ATR: variants seen among roughly 807,000 people sequenced by gnomAD.
ATR encodes ATR checkpoint kinase, also known as serine/threonine-protein kinase ATR.
Under a neutral mutation model 305.3 loss-of-function variants are expected in ATR, and 142 were observed. That is an observed-to-expected ratio of 0.47 (90% CI 0.41 to 0.53). The LOEUF is 0.53. ATR is among the 20% of genes least tolerant of loss of function. The probability of loss-of-function intolerance (pLI) is 0.00; values close to 1 mark genes in which losing one functional copy is unlikely to be tolerated. For synonymous variants in ATR, 1,050 were observed against 1,068.1 expected (o/e 0.98, Z 0.33); for missense variants, 2,135 against 3,133.1 (o/e 0.68, Z 7.60).
Position 142,513,764 on chromosome 3 carries a change from AT to A in ATR, c.4504-127del, listed in dbSNP as rs532465595. On this transcript the variant is annotated intron_variant, in intron 25 of 46. Coordinates refer to ENST00000350721, the MANE Select transcript of ATR (RefSeq NM_001184.4). The stretch of plus-strand genomic sequence containing the variant: ...TTAAATTTAAAAAGTTTTTTAATTA[AT>A]TTTTTAATTAAATTATTTGGGGTTA... 2.4e-4 allele frequency: 257 copies of A among 1,058,450 alleles called. 1 individual carries two copies. The South Asian group carries it at 2.6e-3, about 11-fold the overall frequency. The allele number at this position is 1,058,450 out of a possible 1,614,324, so 65.6% of individuals were successfully genotyped here.
chr3:142,556,338 C>A (rs2034671471), intron 9 of ATR, 45 bp downstream of exon 9: 2 of 1,574,692 alleles, frequency 1.3e-6, no homozygotes, highest in Non-Finnish European at 1.7e-6. Context: ...CAATTATGAT[C>A]TTTCCAATAG....
chr3:142,506,055 T>C (rs931209639), intron 28 of ATR, among the ~76,000 whole-genome samples: 95 of 152,300 alleles, frequency 6.2e-4, no homozygotes, highest in African/African-American at 2.1e-3. Flanking sequence ...TTTGGTAACA[T>C]GTGGCCACCA....
intron 35 of ATR, among the ~76,000 whole-genome samples, chr3:142,488,494 T>C (rs1418455839): frequency 6.6e-6 from 1 of 152,210 alleles, no homozygotes; most frequent in Non-Finnish European, 1.5e-5. Context: ...TGACAACTAA[T>C]GCTATATGGA....
At chr3:142,574,702 A>G (rs2035381886) in intron 1 of ATR, among the ~76,000 whole-genome samples, 1 of 152,220 alleles carries the variant, frequency 6.6e-6, no homozygotes, top group Non-Finnish European at 1.5e-5. Flanking sequence ...TAAAGGACAA[A>G]CAAGAGGTAA....
At chr3:142,542,838 T>C in intron 16 of ATR, 81 bp from the exon 17 acceptor site, 2 of 1,165,660 alleles carry the variant, frequency 1.7e-6, no homozygotes, top group Admixed American at 2.1e-5. Context: ...TTAATTAATG[T>C]CATTTATATT....
chr3:142,553,556 A>G (rs991154817), intron 12 of ATR, 84 bp downstream of exon 12: 3 of 1,459,774 alleles, frequency 2.1e-6, no homozygotes, highest in Non-Finnish European at 2.8e-6. Context: ...CACAAATATC[A>G]TATCACCATT....
rs2108311859 is a variant in ATR at position 142,485,301 on chromosome 3, G to T, written c.6079-19C>A. The T allele has an allele frequency of 1.9e-6, 3 of 1,613,714 alleles. No individual in the cohort carries two copies. In the African/African-American group the frequency reaches 4.0e-5, roughly 22 times the overall value. On this transcript the variant is annotated intron_variant, in intron 35 of 46. Transcript: ENST00000350721. ...TCACATCCTATAAAAAAGAACATAG[G>T]ATACCTACCTAAGGAAATCCCACGC...
At chr3:142,516,984 A>AATATAT (rs534243837) in intron 24 of ATR, among the ~76,000 whole-genome samples, 1,699 of 139,086 alleles carry the variant, frequency 0.012, 16 homozygotes, top group African/African-American at 0.02. Flanking sequence ...ATACCCAAAT[A>AATATAT]ATATATATAT....
Position 142,449,467 on chromosome 3 carries a change from G to C in ATR, c.7897C>G (p.Leu2633Val). The change falls in exon 47 of 47, where the codon CTA (leucine) becomes GTA (valine). Residue 2633 changes from leucine to valine, a missense_variant. By Grantham distance (32) the Leu-to-Val change is conservative. Around this residue, in one of 9 missense-constraint regions of ATR, gnomAD observed 462 missense variants for 887.6 expected, o/e 0.52. Coordinates refer to ENST00000350721, the MANE Select transcript of ATR (RefSeq NM_001184.4). ...GTCCAACCAAGATACATCTGGCATA[G>C]TAAGTTTTCATCAGTAGCTTCCTGT... The part of the protein sequence containing the change: ...LIQEATDENL[L>V]CQMYLGWTPY... 6.2e-7 allele frequency: 1 copy of C among 1,612,632 alleles called. No homozygotes were observed. Among genetic ancestry groups the C allele is most frequent in the Non-Finnish European group, 8.5e-7 (1 of 1,178,642 alleles).
At chr3:142,512,237 A>AAAT in intron 27 of ATR, 23 bp downstream of exon 27, 1 of 1,569,504 alleles carries the variant, frequency 6.4e-7, no homozygotes, top group Non-Finnish European at 8.7e-7. Flanking sequence ...AAAAAAAAAA[A>AAAT]AGAAACAGAA....
chr3:142,510,133 A>AG (rs2032475445), intron 27 of ATR, among the ~76,000 whole-genome samples: 1 of 151,420 alleles, frequency 6.6e-6, no homozygotes, highest in South Asian at 2.1e-4. Context: ...AAAAAAAAAA[A>AG]AGCTACTGTC....
intron 1 of ATR, 97 bp from the exon 2 acceptor site, chr3:142,568,251 G>A: frequency 2.3e-6 from 2 of 871,966 alleles, no homozygotes; most frequent in South Asian, 1.5e-5. Flanking sequence ...TGTGTTCAGT[G>A]TCAATGTTGA....
intron 21 of ATR, among the ~76,000 whole-genome samples, chr3:142,533,152 G>A (rs927174105): frequency 2.6e-5 from 4 of 151,970 alleles, no homozygotes; most frequent in Non-Finnish European, 5.9e-5. Context: ...AAAATTAGGT[G>A]AGCATGGTGG....
At chr3:142,499,046 T>A in intron 31 of ATR, 1 of 469,720 alleles carries the variant, frequency 2.1e-6, no homozygotes, top group Non-Finnish European at 3.9e-6. Context: ...CCAGCTAAGT[T>A]TTTTAAAAAA....
At position 142,524,215 on chromosome 3, in the gene ATR, A is replaced by G; in HGVS notation, c.3946-16T>C. ...TCAGTTTTTCCTAAAATAAAAGTAG[A>G]AAGAAAATTTATACGTAATTTCTAC... On this transcript the variant is annotated splice_polypyrimidine_tract_variant and intron_variant, in intron 21 of 46. Coordinates refer to ENST00000350721, the MANE Select transcript of ATR (RefSeq NM_001184.4). 6.3e-7 allele frequency: 1 copy of G among 1,592,498 alleles called. No homozygotes were observed. The highest frequency in any genetic ancestry group is 8.6e-7 in the Non-Finnish European group (1 of 1,161,532).
rs1053132360 is a variant in ATR, at chr3:142,495,131, A to C, written c.5898+1230T>G. Among the ~76,000 whole-genome samples, 3 of 152,304 alleles carry C rather than the reference A, an allele frequency of 2.0e-5. 1 individual carries two copies. Among genetic ancestry groups the C allele is most frequent in the South Asian group, 4.1e-4 (2 of 4,824 alleles). ...TGTTCAGAGAAGTAGGAAACATGAG[A>C]GGAGAAACAGATATTGAGTATTAGG... On this transcript the variant is annotated intron_variant, in intron 34 of 46. Coordinates refer to ENST00000350721, the MANE Select transcript of ATR (RefSeq NM_001184.4).
At chr3:142,499,295 CT>C (rs535115635) in intron 31 of ATR, 22,491 of 249,766 alleles carry the variant, frequency 0.09, 416 homozygotes, top group African/African-American at 0.14. Context: ...ATTAAAACCG[CT>C]TTTTTTTTTT....
chr3:142,503,371 T>A lies in ATR; in HGVS notation c.5279A>T (p.His1760Leu). 1 of 1,601,586 alleles carries A rather than the reference T, an allele frequency of 6.2e-7. No homozygotes were observed. Among genetic ancestry groups the A allele is most frequent in the Non-Finnish European group, 8.6e-7 (1 of 1,168,938 alleles). ...STVITQVNGV[H>L]ANRSEWTDEL... The stretch of plus-strand genomic sequence containing the variant: ...TTTTATAAAATATTACCTGTTAGCA[T>A]GCACTCCATTCACCTGAGTGATAAC... The change falls in exon 30 of 47, where the codon CAT becomes CTT. Residue 1760 changes from histidine (H) to leucine (L), a missense_variant. By Grantham distance (99) the His-to-Leu change is moderately conservative (BLOSUM62 -3). Transcript: ENST00000350721.
rs1263267829 is a variant in ATR at position 142,503,397 on chromosome 3, A to C, written c.5253T>G (p.Thr1751=). The change falls in exon 30 of 47, where the codon ACT becomes ACG. Residue 1751 remains threonine, a synonymous_variant. Coordinates refer to ENST00000350721, the MANE Select transcript of ATR (RefSeq NM_001184.4). The part of the protein sequence containing the change: ...KSMLGLGQLS[T]VITQVNGVHA... ...GCACTCCATTCACCTGAGTGATAAC[A>C]GTAGACAGCTGACCAAGACCTAACA... 1.2e-6 allele frequency: 2 copies of C among 1,608,908 alleles called. No homozygotes were observed. Among genetic ancestry groups the C allele is most frequent in the Non-Finnish European group, 1.7e-6 (2 of 1,175,438 alleles).
Sources: gnomAD v4.1 joint callset for allele counts (sites outside exome capture counted in the v4.1 genomes callset) on GRCh38, gnomAD v4.1.1 for gene constraint, gnomAD v4.1.1 regional missense constraint, MANE v1.5 for transcripts, NCBI Gene and HGNC (gene_info 2026-07-23, HGNC 2026-07-21) for gene names.